Variants in KYNU observed in about 807,000 individuals in gnomAD.
The protein encoded by KYNU is L-kynurenine hydrolase.
In KYNU, 54 loss-of-function variants were observed where a neutral mutation model predicts 59.2. That is an observed-to-expected ratio of 0.91 (90% confidence interval 0.73 to 1.14). The LOEUF (loss-of-function observed/expected upper bound fraction) is 1.14. Ranked by LOEUF, KYNU falls within the 50% of genes most tolerant of loss-of-function variation. KYNU has a pLI of 0.00. For missense variants in KYNU, 567 were observed against 554.4 expected (o/e 1.02, Z -0.23); for synonymous variants, 177 against 192.0 (o/e 0.92, Z 0.65).
intron 2 of KYNU, among the ~76,000 whole-genome samples, chr2:142,901,065 A>T (rs1281357990): frequency 6.6e-6 from 1 of 152,076 alleles, no homozygotes; most frequent in African/African-American, 2.4e-5. Context: ...AAAAAAAAAA[A>T]AAAAAGATAC....
At chr2:142,969,786 A>C (rs1404581603) in intron 8 of KYNU, among the ~76,000 whole-genome samples, 1 of 152,184 alleles carries the variant, frequency 6.6e-6, no homozygotes, top group South Asian at 2.1e-4. Flanking sequence ...ATTCATTGGC[A>C]TAACAGCTAA....
At chr2:142,974,054 A>G (rs1281583929) in intron 8 of KYNU, among the ~76,000 whole-genome samples, 1 of 152,186 alleles carries the variant, frequency 6.6e-6, no homozygotes, top group Non-Finnish European at 1.5e-5. Context: ...CCTCAAGGAG[A>G]GCATTCAGAT....
chr2:142,960,802 C>T, intron 8 of KYNU, 32 bp downstream of exon 8: 1 of 1,607,332 alleles, frequency 6.2e-7, no homozygotes, highest in Non-Finnish European at 8.5e-7. Flanking sequence ...TCCCACCTTA[C>T]TCCAAACATC....
At chr2:142,940,874 T>C (rs1683574154) in intron 4 of KYNU, among the ~76,000 whole-genome samples, 3 of 152,202 alleles carry the variant, frequency 2.0e-5, no homozygotes, top group Admixed American at 2.0e-4. Context: ...GCTAGAGCAA[T>C]TTCAGAACTT....
rs1687149072 is a variant in KYNU at position 143,045,303 on chromosome 2, T to C, written c.*3131T>C. The C allele has an allele frequency of 6.6e-6, 1 of 152,214 alleles. No individual in the cohort carries two copies. Among genetic ancestry groups the C allele is most frequent in the Non-Finnish European group, 1.5e-5 (1 of 68,048 alleles). The allele number at this position is 152,214 out of a possible 1,614,324, so 9.4% of individuals were successfully genotyped here. ...TTTGTTCTTTTTGCTTAGGATTGTC[T>C]TGGCAATACAGGTTCTTTTTTGGTT... On this transcript the variant is annotated 3_prime_UTR_variant, in exon 14 of 14. Coordinates refer to ENST00000264170, the MANE Select transcript of KYNU (RefSeq NM_003937.3).
At chr2:142,963,747 T>A (rs1389190358) in intron 8 of KYNU, among the ~76,000 whole-genome samples, 1 of 152,210 alleles carries the variant, frequency 6.6e-6, no homozygotes, top group Non-Finnish European at 1.5e-5. Context: ...GCTTTGTCCA[T>A]TTTGAACTTT....
rs538114444 is a variant in KYNU at position 143,045,660 on chromosome 2, G to A, written c.*3488G>A. ...TCCTATATACATATGTTGGTATATA[G>A]GAATGCTTTTATTTTAAAGATGGAA... On this transcript the variant is annotated 3_prime_UTR_variant, in exon 14 of 14. Coordinates refer to ENST00000264170, the MANE Select transcript of KYNU (RefSeq NM_003937.3). The A allele has an allele frequency of 1.1e-4, 17 of 152,140 alleles. No homozygotes were observed. The highest frequency in any genetic ancestry group is 1.6e-4 in the Non-Finnish European group (11 of 67,972). The allele number at this position is 152,140 out of a possible 1,614,324, so 9.4% of individuals were successfully genotyped here. A position where few individuals can be genotyped will look rare whatever the true frequency, so the allele number is the denominator to read the frequency against.
At chr2:143,037,192 G>C (rs1047219206) in intron 12 of KYNU, among the ~76,000 whole-genome samples, 1 of 152,126 alleles carries the variant, frequency 6.6e-6, no homozygotes, top group Admixed American at 6.6e-5. Flanking sequence ...CTGGTGGCAA[G>C]TACTCTCTCC....
chr2:143,007,564 A>T (rs1357646207), intron 10 of KYNU, among the ~76,000 whole-genome samples: 3 of 117,174 alleles, frequency 2.6e-5, no homozygotes, highest in Non-Finnish European at 5.0e-5. Context: ...GAACGCCACA[A>T]AGATACTCCT....
intron 2 of KYNU, among the ~76,000 whole-genome samples, chr2:142,902,041 T>G (rs563449887): frequency 5.9e-5 from 9 of 152,340 alleles, no homozygotes; most frequent in African/African-American, 1.9e-4. Flanking sequence ...GCCTGATATT[T>G]AAGCAAACGA....
chr2:143,033,004 C>T (rs1686802198), intron 11 of KYNU, among the ~76,000 whole-genome samples: 1 of 152,034 alleles, frequency 6.6e-6, no homozygotes, highest in Non-Finnish European at 1.5e-5. Context: ...TACCTTGGGT[C>T]TAAGATTTCT....
At chr2:143,000,413 T>G (rs1393538176) in intron 10 of KYNU, among the ~76,000 whole-genome samples, 1 of 152,154 alleles carries the variant, frequency 6.6e-6, no homozygotes, top group African/African-American at 2.4e-5. Context: ...AGAGCAACTA[T>G]TTTCTTTATT....
At chr2:142,885,320 C>G in intron 1 of KYNU, 29 bp from the exon 2 acceptor site, 1 of 1,580,284 alleles carries the variant, frequency 6.3e-7, no homozygotes, top group Non-Finnish European at 8.7e-7. Context: ...ATTATGGTGG[C>G]TAGATTATGT....
At chr2:142,926,364 A>G (rs1683045455) in intron 3 of KYNU, among the ~76,000 whole-genome samples, 1 of 152,232 alleles carries the variant, frequency 6.6e-6, no homozygotes, top group South Asian at 2.1e-4. Context: ...TTATTATGAA[A>G]TAAGTTTTAA....
chr2:142,899,863 G>T (rs992377779), intron 2 of KYNU, among the ~76,000 whole-genome samples: 7 of 152,130 alleles, frequency 4.6e-5, no homozygotes, highest in Non-Finnish European at 8.8e-5. Context: ...GTTTTGAAAA[G>T]GCCTGGTCCA....
chr2:142,932,288 G>A (rs1256153695), intron 4 of KYNU, among the ~76,000 whole-genome samples: 1 of 152,166 alleles, frequency 6.6e-6, no homozygotes, highest in East Asian at 1.9e-4. Flanking sequence ...ACCTTTCCTT[G>A]ACATACCATG....
intron 5 of KYNU, 104 bp from the exon 6 acceptor site, chr2:142,956,099 A>G (rs951416166): frequency 3.0e-6 from 2 of 667,022 alleles, no homozygotes; most frequent in Non-Finnish European, 5.3e-6. Flanking sequence ...GAGTTAATTA[A>G]TGTCTTTAAA....
intron 10 of KYNU, among the ~76,000 whole-genome samples, chr2:142,996,211 G>T (rs1194059219): frequency 6.6e-6 from 1 of 151,982 alleles, no homozygotes; most frequent in African/African-American, 2.4e-5. Context: ...ATCCAAATTC[G>T]ATTGACTGGC....
chr2:142,882,032 G>A (rs1425451629), intron 1 of KYNU, among the ~76,000 whole-genome samples: 1 of 149,646 alleles, frequency 6.7e-6, no homozygotes, highest in African/African-American at 2.5e-5. Flanking sequence ...GGTAACAGGT[G>A]TGAACCACCA....
Sources: gnomAD v4.1 joint callset for allele counts (sites outside exome capture counted in the v4.1 genomes callset) on GRCh38, gnomAD v4.1.1 for gene constraint, MANE v1.5 for transcripts, NCBI Gene and HGNC (gene_info 2026-07-23, HGNC 2026-07-21) for gene names.